SCYL2: variants seen among roughly 807,000 people sequenced by gnomAD.
SCYL2 encodes SCY1-like protein 2.
Under a neutral mutation model 100.4 loss-of-function variants are expected in SCYL2, and 36 were observed. The ratio of observed to expected loss-of-function variants is 0.36; its 90% CI spans 0.27 to 0.47. SCYL2 has a LOEUF of 0.47. Among genes scored for constraint, SCYL2 ranks in the 20% least tolerant of loss-of-function variants. The probability of loss-of-function intolerance (pLI) is 1.00; values close to 1 mark genes in which losing one functional copy is unlikely to be tolerated. For missense variants in SCYL2, 902 were observed against 1,083.9 expected (o/e 0.83, Z 2.36); for synonymous variants, 330 against 359.2 (o/e 0.92, Z 0.92).
chr12:100,295,883 C>T (rs151204083), intron 3 of SCYL2, among the ~76,000 whole-genome samples: 2,345 of 152,194 alleles, frequency 0.015, 59 homozygotes, highest in African/African-American at 0.053. Flanking sequence ...AGTTGCCAGC[C>T]TAGGCTGGGC....
chr12:100,285,884 A>G (rs1038573598), intron 2 of SCYL2, among the ~76,000 whole-genome samples: 3 of 152,116 alleles, frequency 2.0e-5, no homozygotes, highest in African/African-American at 7.2e-5. Flanking sequence ...TGACTTTACT[A>G]ATTTTTAAGT....
At chr12:100,287,045 A>G (rs2096305179) in intron 2 of SCYL2, among the ~76,000 whole-genome samples, 1 of 152,176 alleles carries the variant, frequency 6.6e-6, no homozygotes, top group African/African-American at 2.4e-5. Context: ...GATGCTTGAC[A>G]GTCACCACCA....
chr12:100,315,822 A>T (rs2096348024), intron 9 of SCYL2, 88 bp downstream of exon 9: 3 of 1,116,584 alleles, frequency 2.7e-6, no homozygotes, highest in Non-Finnish European at 3.6e-6. Context: ...TATATGACTT[A>T]AAAAAAACTG....
intron 1 of SCYL2, among the ~76,000 whole-genome samples, chr12:100,278,001 A>T (rs1285795195): frequency 6.6e-6 from 1 of 152,182 alleles, no homozygotes; most frequent in Non-Finnish European, 1.5e-5. Context: ...ATCTTTAAAA[A>T]ATATACTTAT....
intron 10 of SCYL2, among the ~76,000 whole-genome samples, chr12:100,322,358 G>A (rs1287553626): frequency 2.4e-5 from 3 of 127,044 alleles, no homozygotes; most frequent in African/African-American, 9.1e-5. Context: ...GGGCGACAGA[G>A]CGAGACTCCG....
chr12:100,294,136 G>GACGA (rs2096314130), intron 3 of SCYL2, among the ~76,000 whole-genome samples: 1 of 125,858 alleles, frequency 7.9e-6, no homozygotes, highest in Non-Finnish European at 1.9e-5. Flanking sequence ...CTCCCGGACG[G>GACGA]GGCGGCTGGC....
At chr12:100,313,679 C>T (rs2096344990) in intron 7 of SCYL2, 141 bp downstream of exon 7, 1 of 573,888 alleles carries the variant, frequency 1.7e-6, no homozygotes, top group Non-Finnish European at 3.1e-6. Context: ...CAGTCAGATA[C>T]AGCCCCAAAT....
intron 4 of SCYL2, among the ~76,000 whole-genome samples, chr12:100,302,107 T>C (rs1353862258): frequency 6.6e-6 from 1 of 152,236 alleles, no homozygotes; most frequent in African/African-American, 2.4e-5. Context: ...TGTATTCTAC[T>C]GTGGCTGAGC....
rs1285864906 is a variant in SCYL2 at position 100,339,048 on chromosome 12, T to C, written c.2666T>C (p.Ile889Thr). The change falls in exon 18 of 18, where the codon ATA (isoleucine) becomes ACA (threonine). Residue 889 changes from isoleucine (I) to threonine (T), a missense_variant. Coordinates refer to ENST00000360820, the MANE Select transcript of SCYL2 (RefSeq NM_017988.6). ...GTAATGGGGACACAGATGAACGTGATAGGACAATCTGCTTTTGGTATGCAG... is the reference window on the plus strand; with the variant it reads ...GTAATGGGGACACAGATGAACGTGACAGGACAATCTGCTTTTGGTATGCAG... ...SSVMGTQMNV[I>T]GQSAFGMQGN... The C allele has an allele frequency of 1.2e-6, 2 of 1,614,148 alleles. No homozygotes were observed. Among genetic ancestry groups the C allele is most frequent in the Admixed American group, 1.7e-5 (1 of 60,022 alleles).
At chr12:100,327,522 T>G (rs1226557512) in intron 12 of SCYL2, among the ~76,000 whole-genome samples, 1 of 152,008 alleles carries the variant, frequency 6.6e-6, no homozygotes, top group African/African-American at 2.4e-5. Flanking sequence ...TTGCTAATTT[T>G]TTTTTTTTTT....
At chr12:100,271,648 C>T (rs893403040) in intron 1 of SCYL2, among the ~76,000 whole-genome samples, 4 of 152,146 alleles carry the variant, frequency 2.6e-5, no homozygotes. Flanking sequence ...TGCTAGGTGC[C>T]ATGAGACTGA....
At position 100,282,897 on chromosome 12, in the gene SCYL2, A is replaced by G. The variant is rs2096300408; in HGVS notation, c.-28-46A>G. The G allele has an allele frequency of 1.1e-5, 10 of 880,536 alleles. No homozygotes were observed. In the South Asian group the frequency reaches 1.7e-4, roughly 15 times the overall value. The allele number at this position is 880,536 out of a possible 1,614,324, so 54.5% of individuals were successfully genotyped here. Reference sequence around the variant, plus strand: ...AATTAAACTATGAATAAATGCTTATATAGATAAGAAATGATCAGTTCTCCA... The same window carrying G: ...AATTAAACTATGAATAAATGCTTATGTAGATAAGAAATGATCAGTTCTCCA... On this transcript the variant is annotated intron_variant, in intron 1 of 17. Coordinates refer to ENST00000360820, the MANE Select transcript of SCYL2 (RefSeq NM_017988.6).
intron 10 of SCYL2, among the ~76,000 whole-genome samples, chr12:100,320,259 C>G (rs1201950563): frequency 6.6e-6 from 1 of 152,030 alleles, no homozygotes; most frequent in Non-Finnish European, 1.5e-5. Flanking sequence ...AGTTCCTCAT[C>G]CCGGGCTGGG....
At chr12:100,310,523 T>C (rs2096340954) in intron 4 of SCYL2, among the ~76,000 whole-genome samples, 1 of 152,262 alleles carries the variant, frequency 6.6e-6, no homozygotes, top group African/African-American at 2.4e-5. Flanking sequence ...CCTTTAGTTT[T>C]GGTTGACACA....
rs138027005 is a variant in SCYL2, at chr12:100,327,739, C to G, written c.1642+985C>G. On this transcript the variant is annotated intron_variant, in intron 12 of 17. Transcript: ENST00000360820. ...TCATCTTGGCCAGGCTGGTCTTGAACTCCTGACCTTGTGATCCACCTGCCT... is the reference window on the plus strand; with the variant it reads ...TCATCTTGGCCAGGCTGGTCTTGAAGTCCTGACCTTGTGATCCACCTGCCT... 4.4e-3 allele frequency among the ~76,000 whole-genome samples: 662 copies of G among 152,172 alleles called. 26 individuals are homozygous for G. In the East Asian group the frequency reaches 0.091, roughly 21 times the overall value.
intron 3 of SCYL2, among the ~76,000 whole-genome samples, chr12:100,292,648 G>A (rs2096311999): frequency 1.3e-5 from 2 of 152,132 alleles, no homozygotes; most frequent in South Asian, 4.1e-4. Flanking sequence ...TATGCTAAAT[G>A]TTTTACATTG....
intron 5 of SCYL2, among the ~76,000 whole-genome samples, chr12:100,311,563 T>C (rs921313622): frequency 6.6e-6 from 1 of 152,182 alleles, no homozygotes; most frequent in Non-Finnish European, 1.5e-5. Flanking sequence ...AACATTCTTA[T>C]TGAAGCACTT....
intron 16 of SCYL2, among the ~76,000 whole-genome samples, chr12:100,337,161 T>A (rs1952288216): frequency 6.6e-6 from 1 of 152,164 alleles, no homozygotes; most frequent in Non-Finnish European, 1.5e-5. Context: ...TTAAAATAAT[T>A]ATTATTTTCA....
intron 1 of SCYL2, among the ~76,000 whole-genome samples, chr12:100,273,589 A>T (rs1203153756): frequency 2.0e-5 from 3 of 152,160 alleles, no homozygotes; most frequent in Non-Finnish European, 2.9e-5. Flanking sequence ...TTGACTCTGG[A>T]TGATGGATAG....
Sources: allele counts gnomAD v4.1 joint callset (sites outside exome capture counted in the v4.1 genomes callset), GRCh38; gene constraint gnomAD v4.1.1; transcripts MANE v1.5; gene names NCBI Gene and HGNC (gene_info 2026-07-23, HGNC 2026-07-21).